The following C3orf62 variants were observed in gnomAD, a reference collection of about 807,000 sequenced individuals.
C3orf62 encodes the protein chromosome 3 open reading frame 62.
A neutral mutation model predicts 21.7 loss-of-function variants in C3orf62; 16 were observed. That is an observed-to-expected ratio of 0.74 (90% CI 0.50 to 1.12). The LOEUF is 1.12. Among genes scored for constraint, C3orf62 ranks in the 50% most tolerant of loss-of-function variants. C3orf62 has a pLI of 0.00. For missense variants in C3orf62, 310 were observed against 318.8 expected (o/e 0.97, Z 0.21); for synonymous variants, 114 against 117.0 (o/e 0.97, Z 0.17).
At chr3:49,272,534 C>CTTTTTTTTTTTT (rs746086446) in intron 2 of C3orf62, among the ~76,000 whole-genome samples, 3 of 51,810 alleles carry the variant, frequency 5.8e-5, no homozygotes, top group Admixed American at 3.1e-4. Flanking sequence ...TTCTCCTAAT[C>CTTTTTTTTTTTT]TTTTTTTTTT....
chr3:49,275,523 T>TG (rs1341393092), intron 1 of C3orf62, among the ~76,000 whole-genome samples: 3 of 84,452 alleles, frequency 3.6e-5, no homozygotes, highest in African/African-American at 1.4e-4. Flanking sequence ...TTTGAAGTTT[T>TG]TTTTTTTTTT....
intron 1 of C3orf62, 91 bp downstream of exon 1, chr3:49,276,334 ACT>A: frequency 8.0e-7 from 1 of 1,243,740 alleles, no homozygotes; most frequent in Non-Finnish European, 1.1e-6. Context: ...AGGCAAGAGC[ACT>A]GTCATGAACT....
intron 2 of C3orf62, among the ~76,000 whole-genome samples, chr3:49,273,390 C>A (rs1424987554): frequency 6.6e-6 from 1 of 152,132 alleles, no homozygotes; most frequent in Non-Finnish European, 1.5e-5. Flanking sequence ...TGCCACTGCA[C>A]TCCAGCCTGG....
rs770983130 is a variant in C3orf62 at position 49,271,151 on chromosome 3, G to A, written c.*29C>T. 1.9e-6 allele frequency: 3 copies of A among 1,600,684 alleles called. No individual in the cohort carries two copies. The highest frequency in any genetic ancestry group is 8.5e-7 in the Non-Finnish European group (1 of 1,169,808). ...TCAGGCTCAAGGGCAGCCTCCTGCT[G>A]TAAGGAATCAAAGCTTAGATAACTG... On this transcript the variant is annotated 3_prime_UTR_variant, in exon 3 of 3. Transcript: ENST00000343010.
At chr3:49,273,429 C>G (rs113761932) in intron 2 of C3orf62, among the ~76,000 whole-genome samples, 20 of 152,050 alleles carry the variant, frequency 1.3e-4, no homozygotes, top group Admixed American at 3.9e-4. Flanking sequence ...GTCTCTCCCC[C>G]CAAAAAGTGG....
chr3:49,273,739 T>A lies in C3orf62; in HGVS notation c.538+310A>T, dbSNP rs1023545348. On this transcript the variant is annotated intron_variant, in intron 2 of 2. Coordinates refer to ENST00000343010, the MANE Select transcript of C3orf62 (RefSeq NM_198562.3). ...GGCAAGATCTCAGCTCACTGCAACC[T>A]CTGCCTCCCGGGTTCAAGCAATTCT... 3.9e-5 allele frequency among the ~76,000 whole-genome samples: 6 copies of A among 152,168 alleles called. No individual in the cohort carries two copies. In the East Asian group the frequency reaches 1.2e-3, roughly 30 times the overall value.
intron 2 of C3orf62, among the ~76,000 whole-genome samples, chr3:49,273,625 G>A (rs777136360): frequency 2.5e-4 from 38 of 151,908 alleles, no homozygotes; most frequent in Non-Finnish European, 3.8e-4. Context: ...GACAGATCTC[G>A]CTATGTATGG....
In C3orf62 at chr3:49,269,218, A is replaced by G. The variant is rs2046898844; in HGVS notation, c.*1962T>C. 6.6e-6 allele frequency: 1 copy of G among 152,210 alleles called. No individual in the cohort carries two copies. The highest frequency in any genetic ancestry group is 2.4e-5 in the African/African-American group (1 of 41,462). The allele number at this position is 152,210 out of a possible 1,614,324, so 9.4% of individuals were successfully genotyped here. The stretch of plus-strand genomic sequence containing the variant: ...GATGCACCCCTCTCATGACATATAC[A>G]TGACATCACTTGGTTAGGTGTCTGC... On this transcript the variant is annotated 3_prime_UTR_variant, in exon 3 of 3. Coordinates refer to ENST00000343010, the MANE Select transcript of C3orf62 (RefSeq NM_198562.3).
intron 1 of C3orf62, among the ~76,000 whole-genome samples, chr3:49,275,533 T>TTTG (rs1225508531): frequency 2.5e-5 from 3 of 121,904 alleles, no homozygotes; most frequent in Non-Finnish European, 5.2e-5. Context: ...TTTTTTTTTT[T>TTTG]TTTTTTTTTT....
In C3orf62 at chr3:49,271,086, G is replaced by C; in HGVS notation, c.*94C>G. ...GTAATTCAGGTTCTGCCAACCTTTT[G>C]AGAAATGTGGCCCCTGACGGCCATT... On this transcript the variant is annotated 3_prime_UTR_variant, in exon 3 of 3. Transcript: ENST00000343010. The C allele has an allele frequency of 1.5e-6, 2 of 1,305,380 alleles. No individual in the cohort carries two copies. The highest frequency in any genetic ancestry group is 1.5e-5 in the South Asian group (1 of 68,250). The allele number at this position is 1,305,380 out of a possible 1,614,324, so 80.9% of individuals were successfully genotyped here. A position where few individuals can be genotyped will look rare whatever the true frequency, so the allele number is the denominator to read the frequency against.
chr3:49,273,952 C>T (rs1575595006), intron 2 of C3orf62, 97 bp downstream of exon 2: 1 of 889,888 alleles, frequency 1.1e-6, no homozygotes, highest in East Asian at 2.5e-5. Flanking sequence ...CCGTGCCTGG[C>T]CGAGAGCATT....
At chr3:49,275,569 C>A (rs554603158) in intron 1 of C3orf62, among the ~76,000 whole-genome samples, 21 of 104,928 alleles carry the variant, frequency 2.0e-4, no homozygotes, top group African/African-American at 7.9e-4. Context: ...CTCGCTCTGT[C>A]GCCCAGGCTG....
chr3:49,270,978 A>C lies in C3orf62; in HGVS notation c.*202T>G, dbSNP rs994417260. The stretch of plus-strand genomic sequence containing the variant: ...AAAGTTAAAAAAAAAAATCAGTAAT[A>C]GGAAACATTTCAAAGCAATGGAATT... On this transcript the variant is annotated 3_prime_UTR_variant, in exon 3 of 3. Transcript: ENST00000343010. 7 of 574,886 alleles carry C rather than the reference A, an allele frequency of 1.2e-5. No homozygotes were observed. In the African/African-American group the frequency reaches 1.3e-4, roughly 11 times the overall value. The allele number at this position is 574,886 out of a possible 1,614,324, so 35.6% of individuals were successfully genotyped here. A position where few individuals can be genotyped will look rare whatever the true frequency, so the allele number is the denominator to read the frequency against.
chr3:49,277,120 T>C lies in C3orf62; in HGVS notation c.-248A>G. ...CCGCTGCCTCCCGCCCCACCGCGGC[T>C]CCCAGGCCGCTGGCCCTACCGGCAC... On this transcript the variant is annotated 5_prime_UTR_variant, in exon 1 of 3. Coordinates refer to ENST00000343010, the MANE Select transcript of C3orf62 (RefSeq NM_198562.3). 6.8e-7 allele frequency: 1 copy of C among 1,473,516 alleles called. No homozygotes were observed. The allele number at this position is 1,473,516 out of a possible 1,614,324, so 91.3% of individuals were successfully genotyped here. A position where few individuals can be genotyped will look rare whatever the true frequency, so the allele number is the denominator to read the frequency against.
intron 1 of C3orf62, among the ~76,000 whole-genome samples, chr3:49,275,691 C>T (rs1359658005): frequency 6.6e-5 from 10 of 150,616 alleles, no homozygotes; most frequent in South Asian, 4.3e-4. Flanking sequence ...CCACCACGCC[C>T]GGCTAATTTT....
At position 49,277,154 on chromosome 3, in the gene C3orf62, T is replaced by A. The variant is rs1432279553; in HGVS notation, c.-282A>T. On this transcript the variant is annotated 5_prime_UTR_variant, in exon 1 of 3. Transcript: ENST00000343010. ...GCTGGCCCTACCGGCACCCCCCCTT[T>A]GGCGAGTCGGCAGCCACGTCCTTGT... 14 of 1,419,352 alleles carry A rather than the reference T, an allele frequency of 9.9e-6. No individual in the cohort carries two copies. The highest frequency in any genetic ancestry group is 1.2e-5 in the Non-Finnish European group (13 of 1,072,256). 87.9% of individuals were successfully genotyped at this position (1,419,352 alleles called of 1,614,324 possible). A position where few individuals can be genotyped will look rare whatever the true frequency, so the allele number is the denominator to read the frequency against.
intron 2 of C3orf62, among the ~76,000 whole-genome samples, chr3:49,271,924 AC>A (rs1485494715): frequency 9.8e-4 from 117 of 119,904 alleles, no homozygotes; most frequent in African/African-American, 2.9e-3. Context: ...AAAAAAAAAA[AC>A]AAAAAAAAAA....
intron 2 of C3orf62, 78 bp downstream of exon 2, chr3:49,273,971 C>G: frequency 9.7e-7 from 1 of 1,029,736 alleles, no homozygotes. Flanking sequence ...TTTCTTATAT[C>G]TGAGATATTT....
chr3:49,273,797 C>A (rs1021121438), intron 2 of C3orf62, among the ~76,000 whole-genome samples: 2 of 151,770 alleles, frequency 1.3e-5, no homozygotes. Context: ...CTGGGATTAC[C>A]GGCGTGCACC....
Sources: gnomAD v4.1 joint callset for allele counts (sites outside exome capture counted in the v4.1 genomes callset) on GRCh38, gnomAD v4.1.1 for gene constraint, MANE v1.5 for transcripts, NCBI Gene and HGNC (gene_info 2026-07-23, HGNC 2026-07-21) for gene names.